Variants in FLT3 observed in about 807,000 individuals in gnomAD.
The protein encoded by FLT3 is fms related receptor tyrosine kinase 3, also known as receptor-type tyrosine-protein kinase FLT3.
FLT3 carries 46 observed loss-of-function variants against 126.6 expected under a neutral mutation model. That is an observed-to-expected ratio of 0.36 (90% CI 0.29 to 0.46). The LOEUF (loss-of-function observed/expected upper bound fraction) is 0.46. Ranked by LOEUF, FLT3 falls within the 20% of genes least tolerant of loss-of-function variation. The probability of loss-of-function intolerance (pLI) is 1.00; values close to 1 mark genes in which losing one functional copy is unlikely to be tolerated. For missense variants in FLT3, 1,069 were observed against 1,190.3 expected (o/e 0.90, Z 1.50); for synonymous variants, 404 against 434.4 (o/e 0.93, Z 0.87).
chr13:28,064,362 CA>C (rs375294754), intron 2 of FLT3, among the ~76,000 whole-genome samples: 110 of 152,076 alleles, frequency 7.2e-4, no homozygotes, highest in African/African-American at 2.5e-3. Flanking sequence ...ATCACAAGGT[CA>C]GGAGTTCGAG....
intron 9 of FLT3, among the ~76,000 whole-genome samples, chr13:28,042,644 A>C (rs1004938158): frequency 2.7e-4 from 41 of 152,186 alleles, no homozygotes; most frequent in Non-Finnish European, 7.3e-5. Context: ...ACATGGTAAG[A>C]GCTCAAAGAA....
intron 9 of FLT3, among the ~76,000 whole-genome samples, chr13:28,047,746 GA>G (rs978287654): frequency 3.4e-5 from 5 of 149,060 alleles, no homozygotes; most frequent in African/African-American, 1.2e-4. Flanking sequence ...AAAAAGAAAA[GA>G]AAATTTGTTG....
chr13:28,011,677 T>TTCCTTCCTTCCTTCCTTCCTTCCG, intron 23 of FLT3, among the ~76,000 whole-genome samples: 1 of 145,992 alleles, frequency 6.8e-6, no homozygotes, highest in Non-Finnish European at 1.5e-5. Context: ...CCTTCCTTCC[T>TTCCTTCCTTCCTTCCTTCCTTCCG]TCCCTCCTCC....
intron 1 of FLT3, among the ~76,000 whole-genome samples, chr13:28,092,162 C>T (rs1242578656): frequency 2.0e-5 from 3 of 152,298 alleles, no homozygotes; most frequent in Non-Finnish European, 4.4e-5. Flanking sequence ...GGGTAACCCC[C>T]GCCAGGAACC....
chr13:28,093,350 A>G (rs1267672931), intron 1 of FLT3, among the ~76,000 whole-genome samples: 8 of 151,780 alleles, frequency 5.3e-5, no homozygotes, highest in Admixed American at 5.3e-4. Flanking sequence ...CGTCAGACCA[A>G]CCATCCAGAG....
intron 1 of FLT3, among the ~76,000 whole-genome samples, chr13:28,078,171 C>T (rs1346751571): frequency 3.3e-5 from 5 of 152,214 alleles, no homozygotes; most frequent in Admixed American, 2.6e-4. Flanking sequence ...CTTCTCACAG[C>T]TCCAGTAGGC....
chr13:28,049,594 A>C, intron 7 of FLT3, 41 bp downstream of exon 7: 1 of 1,613,222 alleles, frequency 6.2e-7, no homozygotes, highest in Non-Finnish European at 8.5e-7. Context: ...ACTATTAGTT[A>C]ATTGTTCCTG....
intron 9 of FLT3, among the ~76,000 whole-genome samples, chr13:28,044,201 C>T (rs1874654533): frequency 6.7e-6 from 1 of 149,516 alleles, no homozygotes; most frequent in African/African-American, 2.5e-5. Context: ...GTAATCCCAG[C>T]ACTTTGGCAG....
At chr13:28,075,691 C>T (rs1002978636) in intron 1 of FLT3, among the ~76,000 whole-genome samples, 1 of 151,146 alleles carries the variant, frequency 6.6e-6, no homozygotes, top group Admixed American at 6.6e-5. Flanking sequence ...CGCCATTGCA[C>T]TCTAGCCTGG....
At chr13:28,038,320 T>C (rs6491248) in intron 9 of FLT3, among the ~76,000 whole-genome samples, 121,492 of 151,752 alleles carry the variant, frequency 0.8, 48,670 homozygotes, top group East Asian at 0.87. Context: ...CAGCAATGAG[T>C]TGTTGAATAT....
chr13:28,060,127 G>A (rs1248772252), intron 3 of FLT3, among the ~76,000 whole-genome samples: 1 of 151,404 alleles, frequency 6.6e-6, no homozygotes, highest in East Asian at 1.9e-4. Context: ...CAGTGCGGTG[G>A]CTCACGCCTG....
chr13:28,042,146 A>AAAT (rs57260336), intron 9 of FLT3, among the ~76,000 whole-genome samples: 13,761 of 134,582 alleles, frequency 0.1, 735 homozygotes, highest in Middle Eastern at 0.14. Context: ...CCTCCATCCG[A>AAAT]AATAATAATA....
At chr13:28,037,153 A>T in intron 10 of FLT3, 32 bp downstream of exon 10, 1 of 1,286,304 alleles carries the variant, frequency 7.8e-7, no homozygotes, top group Non-Finnish European at 1.1e-6. Flanking sequence ...GAATTAAAAA[A>T]TAAAAATCAA....
chr13:28,073,839 C>G (rs541625096), intron 1 of FLT3, among the ~76,000 whole-genome samples: 27 of 149,664 alleles, frequency 1.8e-4, no homozygotes, highest in African/African-American at 6.1e-4. Context: ...ACTTGGGAGG[C>G]TGAAGTGGGA....
chr13:28,085,364 A>G (rs9554248), intron 1 of FLT3, among the ~76,000 whole-genome samples: 21,931 of 95,088 alleles, frequency 0.23, 1,821 homozygotes, highest in Middle Eastern at 0.34. Context: ...AAAAAAAAAA[A>G]AAAAGAAAAG....
chr13:28,038,476 A>G (rs1044653429), intron 9 of FLT3, among the ~76,000 whole-genome samples: 2 of 149,856 alleles, frequency 1.3e-5, no homozygotes, highest in African/African-American at 4.9e-5. Context: ...TTCTTGAGAC[A>G]GAGTCTCGCT....
rs958430644 is a variant in FLT3 at position 28,028,633 on chromosome 13, G to A, written c.1943-345C>T. Among the ~76,000 whole-genome samples, 5 of 152,052 alleles carry A rather than the reference G, an allele frequency of 3.3e-5. 1 individual carries two copies. Among genetic ancestry groups the A allele is most frequent in the Non-Finnish European group, 7.4e-5 (5 of 68,024 alleles). ...AATCGCTTGAATGTGGGAGGCAGAGGTTGCAATTAGCTGAGACTGCACCAT... is the reference window on the plus strand; with the variant it reads ...AATCGCTTGAATGTGGGAGGCAGAGATTGCAATTAGCTGAGACTGCACCAT... On this transcript the variant is annotated intron_variant, in intron 15 of 23. Transcript: ENST00000241453.
rs35243277 is a variant in FLT3, at chr13:28,081,844, C to CTTTTTTTTTTTTTTTTTTT, written c.44-11251_44-11233dup. ...TTACTTTGATTTTTTTACTTTGATT[C>CTTTTTTTTTTTTTTTTTTT]TTTTTTTTTTTTTTTTTTTTTTTTT... On this transcript the variant is annotated intron_variant, in intron 1 of 23. Transcript: ENST00000241453. Among the ~76,000 whole-genome samples, 3 of 64,974 alleles carry CTTTTTTTTTTTTTTTTTTT rather than the reference C, an allele frequency of 4.6e-5. 1 individual carries two copies. Among genetic ancestry groups the CTTTTTTTTTTTTTTTTTTT allele is most frequent in the African/African-American group, 1.4e-4 (2 of 14,388 alleles). The allele number at this position is 64,974 out of a possible 152,430, so 42.6% of individuals were successfully genotyped here. A position where few individuals can be genotyped will look rare whatever the true frequency, so the allele number is the denominator to read the frequency against.
At chr13:28,026,840 G>A (rs748184716) in intron 17 of FLT3, among the ~76,000 whole-genome samples, 4 of 152,196 alleles carry the variant, frequency 2.6e-5, no homozygotes, top group South Asian at 2.1e-4. Context: ...CCAAATAGGC[G>A]TCTATGGTGT....
Sources: gnomAD v4.1 joint callset for allele counts (sites outside exome capture counted in the v4.1 genomes callset) on GRCh38, gnomAD v4.1.1 for gene constraint, MANE v1.5 for transcripts, NCBI Gene and HGNC (gene_info 2026-07-23, HGNC 2026-07-21) for gene names.